Variants in EGF observed in about 807,000 individuals in gnomAD.
EGF encodes pro-epidermal growth factor.
EGF carries 95 observed loss-of-function variants against 143.8 expected under a neutral mutation model. The ratio of observed to expected loss-of-function variants is 0.66; its 90% CI spans 0.56 to 0.78. The LOEUF (loss-of-function observed/expected upper bound fraction) is 0.78. EGF is among the 30% of genes least tolerant of loss of function. The pLI is 0.00. For synonymous variants in EGF, 510 were observed against 510.5 expected (o/e 1.00, Z 0.01); for missense variants, 1,320 against 1,470.9 (o/e 0.90, Z 1.68).
intron 21 of EGF, chr4:110,004,215 T>TACACACACACAC (rs772189572): frequency 3.1e-5 from 11 of 356,972 alleles, no homozygotes; most frequent in African/African-American, 2.3e-4. Context: ...TGGGCATACA[T>TACACACACACAC]ACACACACAC....
At chr4:109,950,622 C>T (rs1743731415) in intron 5 of EGF, among the ~76,000 whole-genome samples, 1 of 152,176 alleles carries the variant, frequency 6.6e-6, no homozygotes, top group Non-Finnish European at 1.5e-5. Flanking sequence ...CTTCTTCTCT[C>T]ACCCTTGTTT....
chr4:109,925,930 G>T (rs780698340), intron 1 of EGF, among the ~76,000 whole-genome samples: 31 of 152,164 alleles, frequency 2.0e-4, no homozygotes, highest in Non-Finnish European at 3.7e-4. Context: ...AACTGGAATT[G>T]CATCAAGCAT....
intron 1 of EGF, among the ~76,000 whole-genome samples, chr4:109,933,285 T>C (rs896287022): frequency 3.3e-5 from 5 of 152,200 alleles, no homozygotes; most frequent in African/African-American, 1.2e-4. Flanking sequence ...GCTATGTGTC[T>C]GCATAGCGGG....
At chr4:109,957,109 C>G (rs2347139) in intron 5 of EGF, among the ~76,000 whole-genome samples, 367 of 152,232 alleles carry the variant, frequency 2.4e-3, no homozygotes, top group African/African-American at 8.5e-3. Flanking sequence ...TATGTTTCTA[C>G]TGAATCTTAC....
chr4:109,991,526 G>A (rs1166908075), intron 18 of EGF, among the ~76,000 whole-genome samples: 1 of 152,172 alleles, frequency 6.6e-6, no homozygotes, highest in Non-Finnish European at 1.5e-5. Flanking sequence ...CCAGGAATGA[G>A]TAAGGCTGTT....
intron 6 of EGF, 51 bp from the exon 7 acceptor site, chr4:109,960,816 T>A (rs772911178): frequency 2.5e-6 from 4 of 1,611,296 alleles, no homozygotes; most frequent in African/African-American, 2.7e-5. Flanking sequence ...ATAGCACAAT[T>A]TATTTTCAAA....
At chr4:109,992,708 C>A (rs911341471) in intron 18 of EGF, among the ~76,000 whole-genome samples, 1 of 151,914 alleles carries the variant, frequency 6.6e-6, no homozygotes, top group African/African-American at 2.4e-5. Context: ...AAATGTCCAA[C>A]AATGATAGAC....
chr4:109,951,494 T>C (rs1223361324), intron 5 of EGF, among the ~76,000 whole-genome samples: 1 of 152,240 alleles, frequency 6.6e-6, no homozygotes, highest in Non-Finnish European at 1.5e-5. Context: ...GTTTGTTTGT[T>C]TCAGTTAGAA....
chr4:110,004,441 T>A, intron 21 of EGF, 64 bp from the exon 22 acceptor site: 1 of 1,405,266 alleles, frequency 7.1e-7, no homozygotes, highest in Non-Finnish European at 1.0e-6. Context: ...TCCCTGATCA[T>A]CACTGAGTGG....
rs1400309164 is a variant in EGF at position 109,912,995 on chromosome 4, T to C, written c.-341T>C. ...CAGTTCTTCCTTTCTTTTTCCTCTC[T>C]AAGCCTTTGCCTTGCTCTGTCACAG... On this transcript the variant is annotated 5_prime_UTR_variant, in exon 1 of 24. Coordinates refer to ENST00000265171, the MANE Select transcript of EGF (RefSeq NM_001963.6). 3.3e-6 allele frequency: 1 copy of C among 305,548 alleles called. No homozygotes were observed. The highest frequency in any genetic ancestry group is 2.2e-5 in the African/African-American group (1 of 46,170). The allele number at this position is 305,548 out of a possible 1,614,324, so 18.9% of individuals were successfully genotyped here. A position where few individuals can be genotyped will look rare whatever the true frequency, so the allele number is the denominator to read the frequency against.
rs1553948184 is a variant in EGF at position 110,004,215 on chromosome 4, T to TACATACAC, written c.3174-287_3174-286insTACACACA. On this transcript the variant is annotated intron_variant, in intron 21 of 23. Coordinates refer to ENST00000265171, the MANE Select transcript of EGF (RefSeq NM_001963.6). The stretch of plus-strand genomic sequence containing the variant: ...TCCCCCCAACATACATGGGCATACA[T>TACATACAC]ACACACACACACACACACACACACA... The TACATACAC allele has an allele frequency of 7.6e-3, 2,714 of 356,752 alleles. 32 individuals are homozygous for TACATACAC. The highest frequency in any genetic ancestry group is 0.067 in the East Asian group (1,037 of 15,364). The allele number at this position is 356,752 out of a possible 1,614,324, so 22.1% of individuals were successfully genotyped here. A position where few individuals can be genotyped will look rare whatever the true frequency, so the allele number is the denominator to read the frequency against.
intron 1 of EGF, among the ~76,000 whole-genome samples, chr4:109,937,859 T>C (rs1741130947): frequency 6.6e-6 from 1 of 152,216 alleles, no homozygotes. Flanking sequence ...CTTCTGGCTG[T>C]AGGATTTCTG....
chr4:110,005,036 C>CTTTTTTTTT (rs538062029), intron 22 of EGF, among the ~76,000 whole-genome samples: 38 of 80,692 alleles, frequency 4.7e-4, no homozygotes, highest in African/African-American at 1.2e-3. Context: ...TTTTCTCTGT[C>CTTTTTTTTT]TTTTTTTTTT....
At chr4:109,980,607 C>A (rs901074157) in intron 14 of EGF, 10 of 506,016 alleles carry the variant, frequency 2.0e-5, no homozygotes, top group East Asian at 4.1e-5. Context: ...GCTGGCTATA[C>A]CCAGTACTAA....
chr4:110,001,826 A>C (rs1223880255), intron 21 of EGF: 4 of 985,246 alleles, frequency 4.1e-6, no homozygotes, highest in Non-Finnish European at 4.8e-6. Context: ...GCTCATCAGA[A>C]CCCTTTCTTT....
chr4:109,932,569 G>A (rs571247302), intron 1 of EGF, among the ~76,000 whole-genome samples: 4 of 150,850 alleles, frequency 2.7e-5, no homozygotes, highest in East Asian at 1.9e-4. Flanking sequence ...TAGTAGAGAC[G>A]GGGTTTCACC....
intron 22 of EGF, 97 bp from the exon 23 acceptor site, chr4:110,008,055 A>C (rs1325786007): frequency 8.9e-7 from 1 of 1,127,618 alleles, no homozygotes; most frequent in Non-Finnish European, 1.3e-6. Flanking sequence ...TTTCCATAGG[A>C]TGAACATCGT....
chr4:109,939,730 T>C (rs547208952), intron 1 of EGF, among the ~76,000 whole-genome samples: 38 of 152,388 alleles, frequency 2.5e-4, no homozygotes, highest in African/African-American at 8.9e-4. Flanking sequence ...GAGTTAGTGT[T>C]TTCTGACTCT....
chr4:109,914,391 A>G (rs918849625), intron 1 of EGF, among the ~76,000 whole-genome samples: 2 of 152,180 alleles, frequency 1.3e-5, no homozygotes, highest in Non-Finnish European at 2.9e-5. Flanking sequence ...CAGAAGAGAC[A>G]CCTATGGAAG....
Sources: gnomAD v4.1 joint callset for allele counts (sites outside exome capture counted in the v4.1 genomes callset) on GRCh38, gnomAD v4.1.1 for gene constraint, MANE v1.5 for transcripts, NCBI Gene and HGNC (gene_info 2026-07-23, HGNC 2026-07-21) for gene names.